The following DEFB119 variants were observed in gnomAD, a reference collection of about 807,000 sequenced individuals.
DEFB119 encodes the protein defensin beta 119.
Under a neutral mutation model 2.5 loss-of-function variants are expected in DEFB119, and 3 were observed. The ratio of observed to expected loss-of-function variants is 1.19; its 90% CI spans 0.54 to 3.07. The LOEUF is 3.07. DEFB119 is among the 30% of genes most tolerant of loss of function. The pLI, the probability that DEFB119 is intolerant of heterozygous loss-of-function variation, is 0.03. For missense variants in DEFB119, 113 were observed against 101.1 expected, an observed-to-expected ratio of 1.12 and a Z score of -0.50; for synonymous variants, 29 against 33.7, an observed-to-expected ratio of 0.86 and a Z score of 0.48.
intron 1 of DEFB119, among the ~76,000 whole-genome samples, chr20:31,380,830 T>C (rs941300542): frequency 3.3e-5 from 5 of 152,226 alleles, no homozygotes; most frequent in African/African-American, 1.2e-4. Context: ...ACTATTACTA[T>C]ATAATAAGTC....
chr20:31,388,963 A>G (rs573553340), intron 1 of DEFB119: 1 of 1,580,062 alleles, frequency 6.3e-7, no homozygotes, highest in African/African-American at 1.4e-5. Flanking sequence ...GACAGACACC[A>G]GAAACAAATT....
At chr20:31,385,960 G>A (rs1053713079) in intron 1 of DEFB119, among the ~76,000 whole-genome samples, 8 of 152,052 alleles carry the variant, frequency 5.3e-5, no homozygotes, top group Non-Finnish European at 1.0e-4. Flanking sequence ...AGGATGAGAA[G>A]GCGTTCATCA....
At chr20:31,390,360 G>A (rs187213251) in intron 1 of DEFB119, 63 bp downstream of exon 1, 3 of 1,485,058 alleles carry the variant, frequency 2.0e-6, no homozygotes, top group African/African-American at 2.8e-5. Flanking sequence ...CACAGTGAGA[G>A]GGAAGGGAAA....
At chr20:31,379,370 G>A (rs896473123) in intron 1 of DEFB119, among the ~76,000 whole-genome samples, 3 of 152,156 alleles carry the variant, frequency 2.0e-5, no homozygotes, top group African/African-American at 7.2e-5. Context: ...GTCTTTATAT[G>A]CATTTCCCTA....
intron 1 of DEFB119, among the ~76,000 whole-genome samples, chr20:31,379,204 C>G (rs1182396993): frequency 6.6e-6 from 1 of 152,098 alleles, no homozygotes; most frequent in Admixed American, 6.5e-5. Flanking sequence ...TCCCAAAGTC[C>G]ACTGCACCCA....
Position 31,386,054 on chromosome 20 carries a change from G to T in DEFB119, c.61+4369C>A, listed in dbSNP as rs889284434. ...GGGGGCAGGAGAGGATGGCGAGAGGGTTGCAGTGGCTGAAGAGAAGGTCTG... is the reference window on the plus strand; with the variant it reads ...GGGGGCAGGAGAGGATGGCGAGAGGTTTGCAGTGGCTGAAGAGAAGGTCTG... On this transcript the variant is annotated intron_variant, in intron 1 of 1. Transcript: ENST00000376321. Among the ~76,000 whole-genome samples, 29 of 152,230 alleles carry T rather than the reference G, an allele frequency of 1.9e-4. 1 individual carries two copies. Among genetic ancestry groups the T allele is most frequent in the African/African-American group, 6.7e-4 (28 of 41,530 alleles).
intron 1 of DEFB119, among the ~76,000 whole-genome samples, chr20:31,381,250 G>A (rs981100420): frequency 6.6e-6 from 1 of 152,190 alleles, no homozygotes; most frequent in Non-Finnish European, 1.5e-5. Flanking sequence ...ATTGATTTGT[G>A]TATGTTTACC....
rs199885341 is a variant in DEFB119 at position 31,390,383 on chromosome 20, A to G, written c.61+40T>C. On this transcript the variant is annotated intron_variant, in intron 1 of 1. Transcript: ENST00000376321. ...GAGGGAAGGGAAAGACGGGAAGCCC[A>G]TGACCAGGAACCCAGACCCCCGAGA... The G allele has an allele frequency of 1.1e-4, 173 of 1,586,646 alleles. No individual in the cohort carries two copies. The African/African-American group carries it at 2.1e-3, about 19-fold the overall frequency.
intron 1 of DEFB119, chr20:31,388,213 G>A (rs1046876690): frequency 2.0e-6 from 2 of 976,738 alleles, no homozygotes; most frequent in African/African-American, 3.5e-5. Context: ...AATGAGACAG[G>A]CTTCTGTCTC....
intron 1 of DEFB119, chr20:31,388,122 C>A (rs940493606): frequency 1.0e-6 from 1 of 985,244 alleles, no homozygotes; most frequent in African/African-American, 1.7e-5. Flanking sequence ...TGGGAAGACA[C>A]CCAGATTCTC....
At chr20:31,377,631 C>T (rs1439697392) in intron 1 of DEFB119, among the ~76,000 whole-genome samples, 192 bp from the exon 2 acceptor site, 1 of 150,038 alleles carries the variant, frequency 6.7e-6, no homozygotes, top group Non-Finnish European at 1.5e-5. Context: ...GGTTTAAAAC[C>T]CTGGGTCTGT....
intron 1 of DEFB119, among the ~76,000 whole-genome samples, chr20:31,385,916 A>T (rs1045330344): frequency 6.6e-6 from 1 of 151,942 alleles, no homozygotes; most frequent in Non-Finnish European, 1.5e-5. Flanking sequence ...TTATGTGAAG[A>T]CTTTCATGGG....
intron 1 of DEFB119, among the ~76,000 whole-genome samples, chr20:31,382,604 G>A (rs1480639725): frequency 6.6e-6 from 1 of 152,178 alleles, no homozygotes; most frequent in Non-Finnish European, 1.5e-5. Context: ...GAACCACGTA[G>A]ACCTAACACA....
At chr20:31,385,759 A>G (rs1243487371) in intron 1 of DEFB119, among the ~76,000 whole-genome samples, 1 of 151,872 alleles carries the variant, frequency 6.6e-6, no homozygotes, top group Non-Finnish European at 1.5e-5. Flanking sequence ...AGTCCCAGCT[A>G]CTCAGGAGGC....
intron 1 of DEFB119, among the ~76,000 whole-genome samples, chr20:31,377,646 GTA>G (rs1290054099): frequency 7.0e-6 from 1 of 143,640 alleles, no homozygotes; most frequent in Non-Finnish European, 1.5e-5. Context: ...GTCTGTGTGT[GTA>G]TATGTGTGTG....
chr20:31,383,099 C>T (rs530833205), intron 1 of DEFB119, among the ~76,000 whole-genome samples: 1 of 152,326 alleles, frequency 6.6e-6, no homozygotes, highest in South Asian at 2.1e-4. Flanking sequence ...ATTTTCTTAA[C>T]TGATGATATA....
intron 1 of DEFB119, among the ~76,000 whole-genome samples, chr20:31,385,607 CTG>C (rs1986667688): frequency 6.6e-6 from 1 of 152,114 alleles, no homozygotes; most frequent in Non-Finnish European, 1.5e-5. Flanking sequence ...TGGCTCATGA[CTG>C]TAATCCCAGC....
At chr20:31,380,059 G>T (rs1463200845) in intron 1 of DEFB119, among the ~76,000 whole-genome samples, 2 of 152,120 alleles carry the variant, frequency 1.3e-5, no homozygotes, top group African/African-American at 4.8e-5. Context: ...GTTGTAATTT[G>T]TCTTTTCAAC....
chr20:31,379,419 T>C (rs986901651), intron 1 of DEFB119, among the ~76,000 whole-genome samples: 30 of 152,336 alleles, frequency 2.0e-4, no homozygotes, highest in Admixed American at 1.8e-3. Flanking sequence ...AATGCTTATT[T>C]GCTATCTCTA....
Sources: allele counts gnomAD v4.1 joint callset (sites outside exome capture counted in the v4.1 genomes callset), GRCh38; gene constraint gnomAD v4.1.1; transcripts MANE v1.5; gene names NCBI Gene and HGNC (gene_info 2026-07-23, HGNC 2026-07-21).